SCN9A: variants seen among roughly 807,000 people sequenced by gnomAD.
SCN9A encodes the protein sodium channel protein type 9 subunit alpha.
SCN9A carries 131 observed loss-of-function variants against 187.0 expected under a neutral mutation model. That is an observed-to-expected ratio of 0.70 (90% CI 0.61 to 0.81). The LOEUF (loss-of-function observed/expected upper bound fraction) is 0.81. SCN9A is among the 30% of genes least tolerant of loss of function. SCN9A has a pLI of 0.00. For synonymous variants in SCN9A, 809 were observed against 808.6 expected (o/e 1.00, Z -0.01); for missense variants, 2,252 against 2,396.6 (o/e 0.94, Z 1.26).
At chr2:166,336,419 C>T (rs141258921) in intron 1 of SCN9A, among the ~76,000 whole-genome samples, 29 of 152,194 alleles carry the variant, frequency 1.9e-4, no homozygotes, top group African/African-American at 6.3e-4. Context: ...GTATAGATAT[C>T]GGACTCTCCT....
At chr2:166,343,744 C>T (rs1178999846) in intron 1 of SCN9A, among the ~76,000 whole-genome samples, 1 of 151,980 alleles carries the variant, frequency 6.6e-6, no homozygotes. Flanking sequence ...TTGCAGTGAA[C>T]TGTGACTGTG....
At chr2:166,349,171 C>T (rs1046764807) in intron 1 of SCN9A, among the ~76,000 whole-genome samples, 3 of 151,902 alleles carry the variant, frequency 2.0e-5, no homozygotes, top group Admixed American at 2.0e-4. Flanking sequence ...CTCCTCTCAT[C>T]ATGATTTGAC....
At chr2:166,204,958 G>T (rs923017319) in intron 24 of SCN9A, 2 of 152,224 alleles carry the variant, frequency 1.3e-5, no homozygotes, top group Non-Finnish European at 2.9e-5. Flanking sequence ...TACAAGGGAT[G>T]TGAAGGACCT....
intron 8 of SCN9A, among the ~76,000 whole-genome samples, chr2:166,293,903 C>T (rs1698187693): frequency 6.6e-6 from 1 of 152,202 alleles, no homozygotes; most frequent in South Asian, 2.1e-4. Context: ...AATTGGTGGA[C>T]TGGTTTTTCC....
intron 14 of SCN9A, among the ~76,000 whole-genome samples, chr2:166,279,035 G>T (rs1697361362): frequency 6.6e-6 from 1 of 152,130 alleles, no homozygotes; most frequent in South Asian, 2.1e-4. Flanking sequence ...AAGAAGATTG[G>T]CAGGGAGCAG....
chr2:166,214,010 T>C (rs1393695108), intron 24 of SCN9A, among the ~76,000 whole-genome samples: 1 of 152,144 alleles, frequency 6.6e-6, no homozygotes, highest in South Asian at 2.1e-4. Context: ...AGCACACATA[T>C]AGAACCCAAC....
chr2:166,236,451 C>T (rs912146552), intron 20 of SCN9A, among the ~76,000 whole-genome samples: 2 of 152,090 alleles, frequency 1.3e-5, no homozygotes, highest in African/African-American at 4.8e-5. Flanking sequence ...GATGGAGTCT[C>T]ACCCTGTCGC....
intron 1 of SCN9A, among the ~76,000 whole-genome samples, chr2:166,328,132 T>C (rs1699409085): frequency 1.3e-5 from 2 of 152,152 alleles, no homozygotes; most frequent in Admixed American, 1.3e-4. Context: ...TCTGGAACAT[T>C]AGAGAGAGTG....
In SCN9A at chr2:166,198,624, A is replaced by C; in HGVS notation, c.*48T>G. The C allele has an allele frequency of 7.3e-7, 1 of 1,368,818 alleles. No individual in the cohort carries two copies. Among genetic ancestry groups the C allele is most frequent in the Non-Finnish European group, 9.9e-7 (1 of 1,007,530 alleles). 84.8% of individuals were successfully genotyped at this position (1,368,818 alleles called of 1,614,324 possible). ...TTCCTCAAAAGAGTTTTATTAACAC[A>C]AATAAATCACTTTCACAGGCTGTAA... On this transcript the variant is annotated 3_prime_UTR_variant, in exon 27 of 27. Coordinates refer to ENST00000642356, the MANE Select transcript of SCN9A (RefSeq NM_001365536.1).
chr2:166,232,614 T>C (rs1695130204), intron 21 of SCN9A, among the ~76,000 whole-genome samples: 1 of 151,906 alleles, frequency 6.6e-6, no homozygotes, highest in Non-Finnish European at 1.5e-5. Context: ...AAGATTTCCA[T>C]TTAATATGAA....
chr2:166,367,946 A>G (rs1207575180), intron 1 of SCN9A, among the ~76,000 whole-genome samples: 2 of 152,200 alleles, frequency 1.3e-5, no homozygotes, highest in Non-Finnish European at 1.5e-5. Flanking sequence ...TACATGATTT[A>G]GTATGTTTGA....
rs1693254169 is a variant in SCN9A, at chr2:166,196,605, T to C, written c.*2067A>G. On this transcript the variant is annotated 3_prime_UTR_variant, in exon 27 of 27. Transcript: ENST00000642356. ...GAGTTTGAAATAACGGTAGATTGAA[T>C]TCAAATTTAAGGTGATGTTAAATTC... 6.6e-6 allele frequency: 1 copy of C among 152,158 alleles called. No homozygotes were observed. Among genetic ancestry groups the C allele is most frequent in the African/African-American group, 2.4e-5 (1 of 41,448 alleles). 9.4% of individuals were successfully genotyped at this position (152,158 alleles called of 1,614,324 possible). A position where few individuals can be genotyped will look rare whatever the true frequency, so the allele number is the denominator to read the frequency against.
chr2:166,255,648 G>A (rs1302957023), intron 17 of SCN9A, among the ~76,000 whole-genome samples: 1 of 150,720 alleles, frequency 6.6e-6, no homozygotes, highest in East Asian at 2.0e-4. Context: ...ACTGAAAAAT[G>A]TTACATTTCA....
chr2:166,261,023 T>C (rs1248914453), intron 17 of SCN9A, among the ~76,000 whole-genome samples: 1 of 151,788 alleles, frequency 6.6e-6, no homozygotes, highest in Admixed American at 6.6e-5. Flanking sequence ...TTAACTTTTG[T>C]TTTTTGGTAA....
chr2:166,200,389 C>G (rs561260296), intron 26 of SCN9A, among the ~76,000 whole-genome samples: 33 of 152,190 alleles, frequency 2.2e-4, no homozygotes, highest in East Asian at 3.9e-4. Context: ...GACATTTTCT[C>G]CTTTTTACTA....
rs1392223092 is a variant in SCN9A, at chr2:166,228,768, T to G, written c.4129A>C (p.Ser1377Arg). 2 of 1,613,906 alleles carry G rather than the reference T, an allele frequency of 1.2e-6. No individual in the cohort carries two copies. The highest frequency in any genetic ancestry group is 1.7e-6 in the Non-Finnish European group (2 of 1,179,832). Residue 1377 changes from serine to arginine, a missense_variant, in exon 22 of 27, where the codon AGT becomes CGT. Transcript: ENST00000642356. ...RSECFALMNV[S>R]QNVRWKNLKV... ...AGGTTTTTCCATCGCACATTTTGAC[T>G]AACATTCATAAGGGCAAAACATTCG... is the stretch of plus-strand genomic sequence containing the variant.
Position 166,306,570 on chromosome 2 carries a change from A to T in SCN9A, c.407T>A (p.Ile136Asn). 6.3e-7 allele frequency: 1 copy of T among 1,582,566 alleles called. No homozygotes were observed. Among genetic ancestry groups the T allele is most frequent in the Non-Finnish European group, 8.6e-7 (1 of 1,161,814 alleles). Residue 136 changes from isoleucine (I) to asparagine (N), a missense_variant, in exon 4 of 27, where the codon ATT becomes AAT. Ile to Asn is a moderately radical substitution (Grantham distance 149). Transcript: ENST00000642356. Reference sequence around the variant, plus strand: ...GGTCATAAATATGCAGTTTGTCAGAATAGTGCACATGATGAGCATGCTGAA... The same window carrying T: ...GGTCATAAATATGCAGTTTGTCAGATTAGTGCACATGATGAGCATGCTGAA... ...SLFSMLIMCT[I>N]LTNCIFMTMN...
intron 1 of SCN9A, among the ~76,000 whole-genome samples, chr2:166,349,583 C>A (rs530547787): frequency 1.3e-5 from 2 of 152,270 alleles, no homozygotes; most frequent in East Asian, 1.9e-4. Flanking sequence ...AAATTAGAAT[C>A]TCTCTACAAA....
chr2:166,294,298 C>A (rs1401531741), intron 8 of SCN9A, among the ~76,000 whole-genome samples: 1 of 152,078 alleles, frequency 6.6e-6, no homozygotes, highest in Non-Finnish European at 1.5e-5. Context: ...GAAAGAAGAC[C>A]TGAAATTATC....
Sources: allele counts gnomAD v4.1 joint callset (sites outside exome capture counted in the v4.1 genomes callset), GRCh38; gene constraint gnomAD v4.1.1; transcripts MANE v1.5; gene names NCBI Gene and HGNC (gene_info 2026-07-23, HGNC 2026-07-21).